Variants in PLCH2 observed in about 807,000 individuals in gnomAD.
PLCH2 encodes phospholipase C eta 2, also known as 1-phosphatidylinositol 4,5-bisphosphate phosphodiesterase eta-2.
PLCH2 carries 98 observed loss-of-function variants against 134.7 expected under a neutral mutation model. That is an observed-to-expected ratio of 0.73 (90% CI 0.62 to 0.86). The LOEUF (loss-of-function observed/expected upper bound fraction) is 0.86. Among genes scored for constraint, PLCH2 ranks in the 40% least tolerant of loss-of-function variants. The pLI, the probability that PLCH2 is intolerant of heterozygous loss-of-function variation, is 0.00. For synonymous variants in PLCH2, 974 were observed against 827.5 expected, an observed-to-expected ratio of 1.18 and a Z score of -3.04; for missense variants, 1,994 against 1,986.6, an observed-to-expected ratio of 1.00 and a Z score of -0.07.
intron 11 of PLCH2, chr1:2,492,683 G>A (rs17373634): frequency 0.065 from 9,913 of 152,498 alleles, 444 homozygotes; most frequent in Non-Finnish European, 0.094. Context: ...GCCGGGACGC[G>A]TTCAGCCCTG....
intron 20 of PLCH2, chr1:2,501,882 CAT>C (rs1174053386): frequency 4.3e-6 from 2 of 466,616 alleles, no homozygotes; most frequent in African/African-American, 4.1e-5. Context: ...TGGGGTGGGC[CAT>C]GTGTACTTAG....
chr1:2,429,099 C>G (rs1022674181), intron 1 of PLCH2, among the ~76,000 whole-genome samples: 3 of 151,996 alleles, frequency 2.0e-5, no homozygotes, highest in African/African-American at 7.3e-5. Context: ...GGTGAGGGGA[C>G]AGGTGGCCAA....
At chr1:2,453,899 C>T (rs576653852) in intron 2 of PLCH2, among the ~76,000 whole-genome samples, 8 of 152,090 alleles carry the variant, frequency 5.3e-5, no homozygotes, top group Middle Eastern at 3.4e-3. Context: ...GCCTGGCCTG[C>T]GCCTGCCGAG....
rs968171828 is a variant in PLCH2, at chr1:2,448,359, T to C, written c.115+17730T>C. Among the ~76,000 whole-genome samples the C allele has an allele frequency of 2.0e-5, 3 of 152,236 alleles. No individual in the cohort carries two copies. Among genetic ancestry groups the C allele is most frequent in the African/African-American group, 7.2e-5 (3 of 41,554 alleles). ...GAGGAACTTCCTGGCCTCCTCCAGC[T>C]TCTGGTGGCTCTGGCGTCCCTTGGG... On this transcript the variant is annotated intron_variant, in intron 2 of 3. Coordinates refer to the PLCH2 transcript ENST00000609981. The surrounding 1 kb of genome is among the most constrained non-coding windows in gnomAD (Gnocchi z 4.0).
rs34753700 is a variant in PLCH2, at chr1:2,496,695, G to A, written c.1924G>A (p.Glu642Lys). Reference protein sequence around the residue: ...YTKSVATHDIEMEAASSWQVS... With the variant: ...YTKSVATHDIKMEAASSWQVS... ...CAAGTCCGTGGCCACCCACGACATA[G>A]AGATGGAGGGTGAGTGGCTCGGGGA... is the stretch of plus-strand genomic sequence containing the variant. The change falls in exon 14 of 22, where the codon GAG becomes AAG. Residue 642 changes from glutamate (E) to lysine (K), a missense_variant. By Grantham distance (56) the Glu-to-Lys change is moderately conservative. Coordinates refer to ENST00000378486, the MANE Select transcript of PLCH2 (RefSeq NM_014638.4). The A allele has an allele frequency of 6.2e-7, 1 of 1,611,840 alleles. No individual in the cohort carries two copies. Among genetic ancestry groups the A allele is most frequent in the South Asian group, 1.1e-5 (1 of 90,928 alleles).
rs771616430 is a variant in PLCH2 at position 2,484,637 on chromosome 1, G to A, written c.816+19G>A. 1.2e-6 allele frequency: 2 copies of A among 1,607,156 alleles called. No homozygotes were observed. Among genetic ancestry groups the A allele is most frequent in the African/African-American group, 2.7e-5 (2 of 75,050 alleles). ...GCAGAAGGTGTGCTGCCCGGGGCAGGTGTTGGGGGGCCAGCCATCAGGCCT... is the reference window on the plus strand; with the variant it reads ...GCAGAAGGTGTGCTGCCCGGGGCAGATGTTGGGGGGCCAGCCATCAGGCCT... On this transcript the variant is annotated intron_variant, in intron 5 of 21. Transcript: ENST00000378486.
At chr1:2,460,451 C>T (rs1375444303) in intron 2 of PLCH2, among the ~76,000 whole-genome samples, 1 of 152,200 alleles carries the variant, frequency 6.6e-6, no homozygotes, top group Non-Finnish European at 1.5e-5. Context: ...CAAGGAAGGA[C>T]GCAGAGGGTG....
chr1:2,502,910 G>A (rs895848091), intron 21 of PLCH2: 11 of 717,082 alleles, frequency 1.5e-5, no homozygotes, highest in Admixed American at 4.0e-5. Flanking sequence ...GTTCTCCGCC[G>A]GTAAGCCCCT....
chr1:2,486,379 G>T (rs1169181015), intron 5 of PLCH2, among the ~76,000 whole-genome samples: 2 of 152,226 alleles, frequency 1.3e-5, no homozygotes, highest in Admixed American at 1.3e-4. Context: ...CGTGTCAGTG[G>T]GCTGGGCAGC....
chr1:2,502,078 C>T (rs771866566), intron 20 of PLCH2, 34 bp from the exon 21 acceptor site: 118 of 1,414,814 alleles, frequency 8.3e-5, no homozygotes, highest in Middle Eastern at 7.4e-4. Flanking sequence ...GCTGGGACCC[C>T]TGGCAACAGC....
intron 1 of PLCH2, among the ~76,000 whole-genome samples, chr1:2,429,295 T>A (rs1421537129): frequency 6.6e-6 from 1 of 152,160 alleles, no homozygotes; most frequent in Non-Finnish European, 1.5e-5. Flanking sequence ...GGCCCAGGAC[T>A]CCTGATGTCC....
Position 2,504,136 on chromosome 1 carries a change from G to C in PLCH2, c.3174G>C (p.Pro1058=). The C allele has an allele frequency of 6.6e-7, 1 of 1,520,446 alleles. No homozygotes were observed. The highest frequency in any genetic ancestry group is 1.2e-5 in the South Asian group (1 of 81,114). 94.2% of individuals were successfully genotyped at this position (1,520,446 alleles called of 1,614,324 possible). A position where few individuals can be genotyped will look rare whatever the true frequency, so the allele number is the denominator to read the frequency against. The change falls in exon 22 of 22, where the codon CCG becomes CCC. Residue 1058 remains proline (P), a synonymous_variant. Coordinates refer to ENST00000378486, the MANE Select transcript of PLCH2 (RefSeq NM_014638.4). The stretch of plus-strand genomic sequence containing the variant: ...AGCCCCGAGACAGCAGGCCTCGGCC[G>C]TGCAACGGCGAGGGCGCCGGCGGGG... The part of the protein sequence containing the change: ...TEEPRDSRPR[P]CNGEGAGGAY...
In PLCH2 at chr1:2,476,511, C is replaced by A; in HGVS notation, c.-78C>A. 2 of 1,376,420 alleles carry A rather than the reference C, an allele frequency of 1.5e-6. No homozygotes were observed. The highest frequency in any genetic ancestry group is 1.5e-5 in the South Asian group (1 of 65,460). The allele number at this position is 1,376,420 out of a possible 1,614,324, so 85.3% of individuals were successfully genotyped here. On this transcript the variant is annotated 5_prime_UTR_variant, in exon 1 of 22. Coordinates refer to ENST00000378486, the MANE Select transcript of PLCH2 (RefSeq NM_014638.4). ...CACGGAGGTCCTGTCGCCAGCGCTGCCACTGCCTGACCTCCGCTGCCCGAA... is the reference window on the plus strand; with the variant it reads ...CACGGAGGTCCTGTCGCCAGCGCTGACACTGCCTGACCTCCGCTGCCCGAA...
intron 2 of PLCH2, 125 bp downstream of exon 2, chr1:2,478,747 C>T: frequency 1.0e-6 from 1 of 963,192 alleles, no homozygotes; most frequent in Non-Finnish European, 1.5e-6. Context: ...CACCTCTGGG[C>T]TCAGTGGCCT....
Position 2,505,085 on chromosome 1 carries a change from G to A in PLCH2, c.4123G>A (p.Glu1375Lys), listed in dbSNP as rs1162197252. 3 of 1,539,376 alleles carry A rather than the reference G, an allele frequency of 1.9e-6. No homozygotes were observed. Among genetic ancestry groups the A allele is most frequent in the African/African-American group, 1.4e-5 (1 of 73,188 alleles). The change falls in exon 22 of 22, where the codon GAG becomes AAG. Residue 1375 changes from glutamate (E) to lysine (K), a missense_variant. Around this residue, in one of 2 missense-constraint regions of PLCH2, gnomAD observed 900 missense variants for 752.3 expected, o/e 1.20. Coordinates refer to ENST00000378486, the MANE Select transcript of PLCH2 (RefSeq NM_014638.4). ...GGGCCGGCAGGGACCCCCAGAAGAGGAGCGGGGCACCCCCGAGGGCGCCTG... is the reference window on the plus strand; with the variant it reads ...GGGCCGGCAGGGACCCCCAGAAGAGAAGCGGGGCACCCCCGAGGGCGCCTG... ...GLGRQGPPEE[E>K]RGTPEGACSV...
intron 2 of PLCH2, among the ~76,000 whole-genome samples, chr1:2,445,143 G>A (rs921201297): frequency 4.6e-5 from 7 of 152,128 alleles, no homozygotes; most frequent in African/African-American, 1.2e-4. Context: ...CACATTCTCC[G>A]CACTGCCCTA....
In PLCH2 at chr1:2,486,977, G is replaced by C. The variant is rs1442925663; in HGVS notation, c.887G>C (p.Ser296Thr). ...EQFEPCPENK[S>T]KGLLGIDGFT... ...TTTGAGCCATGCCCAGAAAACAAGAGTAAGGGGCTGCTGGGCATTGATGGT... is the reference window on the plus strand; with the variant it reads ...TTTGAGCCATGCCCAGAAAACAAGACTAAGGGGCTGCTGGGCATTGATGGT... Residue 296 changes from serine (S) to threonine (T), a missense_variant, in exon 6 of 22, where the codon AGT becomes ACT. Transcript: ENST00000378486. The C allele has an allele frequency of 1.2e-6, 2 of 1,603,722 alleles. No individual in the cohort carries two copies. Among genetic ancestry groups the C allele is most frequent in the Non-Finnish European group, 1.7e-6 (2 of 1,175,508 alleles).
At chr1:2,486,326 C>CTT (rs1642283357) in intron 5 of PLCH2, among the ~76,000 whole-genome samples, 1 of 152,192 alleles carries the variant, frequency 6.6e-6, no homozygotes, top group South Asian at 2.1e-4. Flanking sequence ...TCTGGGCTCC[C>CTT]CCACCTGTTA....
the PLCH2 span, among the ~76,000 whole-genome samples, chr1:2,419,253 G>A: frequency 5.3e-4 from 80 of 152,194 alleles, no homozygotes; most frequent in Non-Finnish European, 8.8e-4. Flanking sequence ...GGAGGCCTTG[G>A]GCTGTGCTGC....
Sources: allele counts gnomAD v4.1 joint callset (sites outside exome capture counted in the v4.1 genomes callset), GRCh38; gene constraint gnomAD v4.1.1; regional missense constraint gnomAD v4.1.1; non-coding constraint Gnocchi (gnomAD v3.1); transcripts MANE v1.5; gene names NCBI Gene and HGNC (gene_info 2026-07-23, HGNC 2026-07-21).